Variants in KATNIP observed in about 807,000 individuals in gnomAD.
The protein encoded by KATNIP is katanin-interacting protein.
Under a neutral mutation model 174.0 loss-of-function variants are expected in KATNIP, and 126 were observed. That is an observed-to-expected ratio of 0.72 (90% CI 0.63 to 0.84). The LOEUF is 0.84. Among genes scored for constraint, KATNIP ranks in the 40% least tolerant of loss-of-function variants. KATNIP has a pLI of 0.00. For missense variants in KATNIP, 1,958 were observed against 2,109.7 expected, an observed-to-expected ratio of 0.93 and a Z score of 1.41; for synonymous variants, 810 against 835.7, an observed-to-expected ratio of 0.97 and a Z score of 0.53.
intron 6 of KATNIP, among the ~76,000 whole-genome samples, chr16:27,676,629 G>A (rs1485814189): frequency 6.6e-6 from 1 of 152,086 alleles, no homozygotes; most frequent in Non-Finnish European, 1.5e-5. Flanking sequence ...GGGTAGTATA[G>A]CTAGGCTGAC....
intron 2 of KATNIP, among the ~76,000 whole-genome samples, chr16:27,607,613 T>G (rs2075749550): frequency 6.7e-6 from 1 of 148,162 alleles, no homozygotes; most frequent in Non-Finnish European, 1.5e-5. Flanking sequence ...TTTTTTTTTT[T>G]TTGAGATGGA....
intron 18 of KATNIP, among the ~76,000 whole-genome samples, chr16:27,758,060 C>T (rs902053535): frequency 5.1e-4 from 78 of 152,154 alleles, no homozygotes; most frequent in African/African-American, 1.6e-3. Context: ...GATATTAGCT[C>T]GAAAAGGAGA....
chr16:27,562,144 A>C (rs2089908647), intron 1 of KATNIP, among the ~76,000 whole-genome samples: 1 of 152,126 alleles, frequency 6.6e-6, no homozygotes, highest in Admixed American at 6.6e-5. Flanking sequence ...GGCTTTACCA[A>C]AAAATGTTAT....
chr16:27,753,056 A>T (rs1269748476), intron 17 of KATNIP, among the ~76,000 whole-genome samples: 3 of 151,982 alleles, frequency 2.0e-5, no homozygotes, highest in Non-Finnish European at 4.4e-5. Context: ...TTCCCTGGGG[A>T]TTGTACCTCG....
chr16:27,653,523 G>A (rs773664096), intron 6 of KATNIP, among the ~76,000 whole-genome samples: 46 of 152,204 alleles, frequency 3.0e-4, no homozygotes, highest in Middle Eastern at 3.4e-3. Flanking sequence ...GTTTACCACA[G>A]CAGGAACTTA....
At chr16:27,620,397 TACCCAATGGGGCAG>T (rs1438804331) in intron 3 of KATNIP, among the ~76,000 whole-genome samples, 1 of 152,164 alleles carries the variant, frequency 6.6e-6, no homozygotes, top group Non-Finnish European at 1.5e-5. Flanking sequence ...GTCTGCACAC[TACCCAATGGGGCAG>T]AGTAACTGCA....
chr16:27,748,609 A>AT (rs1203493123), intron 15 of KATNIP, among the ~76,000 whole-genome samples: 1 of 151,254 alleles, frequency 6.6e-6, no homozygotes, highest in East Asian at 2.0e-4. Flanking sequence ...AACAAATAGC[A>AT]TTTTTTTCTT....
intron 2 of KATNIP, among the ~76,000 whole-genome samples, chr16:27,603,524 C>CG (rs2075602483): frequency 6.6e-6 from 1 of 152,096 alleles, no homozygotes. Flanking sequence ...GAGGCCCTCT[C>CG]GGAGCCCTGA....
Position 27,552,940 on chromosome 16 carries a change from C to T in KATNIP, c.7+2763C>T, listed in dbSNP as rs146862312. ...AACTGCCAACCTCAGGTGATCCGCC[C>T]GCCTTGGCCTCCCAAAGTGCTGGGA... On this transcript the variant is annotated intron_variant, in intron 1 of 27. Transcript: ENST00000261588. Among the ~76,000 whole-genome samples, 16 of 151,514 alleles carry T rather than the reference C, an allele frequency of 1.1e-4. 1 individual carries two copies. Among genetic ancestry groups the T allele is most frequent in the South Asian group, 6.3e-4 (3 of 4,794 alleles).
chr16:27,599,276 T>A (rs998214972), intron 2 of KATNIP, among the ~76,000 whole-genome samples: 2 of 152,228 alleles, frequency 1.3e-5, no homozygotes, highest in Non-Finnish European at 2.9e-5. Context: ...CACCAGAAAC[T>A]GCTCCTCTGG....
chr16:27,732,280 G>T (rs1392487677), intron 14 of KATNIP, among the ~76,000 whole-genome samples: 1 of 152,124 alleles, frequency 6.6e-6, no homozygotes, highest in Non-Finnish European at 1.5e-5. Flanking sequence ...ATGTCTCAGT[G>T]TCTTACCATC....
At chr16:27,760,134 G>T (rs139820006) in intron 18 of KATNIP, among the ~76,000 whole-genome samples, 1 of 152,298 alleles carries the variant, frequency 6.6e-6, no homozygotes, top group African/African-American at 2.4e-5. Flanking sequence ...TGGGCTTCCA[G>T]TTCCTCATCT....
At chr16:27,773,818 C>T (rs1473506370) in intron 23 of KATNIP, among the ~76,000 whole-genome samples, 1 of 152,132 alleles carries the variant, frequency 6.6e-6, no homozygotes, top group Admixed American at 6.6e-5. Context: ...TTCTGGTCTA[C>T]CTTAGCCCCC....
chr16:27,768,185 C>T (rs772177819), intron 20 of KATNIP, among the ~76,000 whole-genome samples: 20 of 152,174 alleles, frequency 1.3e-4, no homozygotes, highest in Non-Finnish European at 1.9e-4. Flanking sequence ...AAGGCCTTCC[C>T]GAGCACCAGG....
At chr16:27,601,655 T>A (rs893421926) in intron 2 of KATNIP, among the ~76,000 whole-genome samples, 1 of 152,138 alleles carries the variant, frequency 6.6e-6, no homozygotes, top group Non-Finnish European at 1.5e-5. Context: ...ACCATGTGGC[T>A]ATTAGGATGA....
chr16:27,641,907 C>A (rs1290438966), intron 5 of KATNIP, among the ~76,000 whole-genome samples: 1 of 152,192 alleles, frequency 6.6e-6, no homozygotes, highest in Non-Finnish European at 1.5e-5. Context: ...TAGGCCCTGG[C>A]CGGTGCTGGT....
At chr16:27,762,419 C>A (rs1028380199) in intron 19 of KATNIP, among the ~76,000 whole-genome samples, 2 of 152,186 alleles carry the variant, frequency 1.3e-5, no homozygotes, top group African/African-American at 2.4e-5. Context: ...CCTCAAACAG[C>A]CCTTTGAGGA....
chr16:27,718,337 C>T (rs766117333), intron 13 of KATNIP: 1 of 152,240 alleles, frequency 6.6e-6, no homozygotes, highest in Non-Finnish European at 1.5e-5. Context: ...TCCTTACCCC[C>T]TGTGTTGGGG....
chr16:27,732,833 C>T (rs1363820612), intron 14 of KATNIP, among the ~76,000 whole-genome samples: 1 of 152,218 alleles, frequency 6.6e-6, no homozygotes, highest in Non-Finnish European at 1.5e-5. Flanking sequence ...CCAGCACTTC[C>T]GGGCAAAGAG....
Sources: allele counts gnomAD v4.1 joint callset (sites outside exome capture counted in the v4.1 genomes callset), GRCh38; gene constraint gnomAD v4.1.1; transcripts MANE v1.5; gene names NCBI Gene and HGNC (gene_info 2026-07-23, HGNC 2026-07-21).